The following FAM135B variants were observed in gnomAD, a reference collection of about 807,000 sequenced individuals.
FAM135B encodes the protein family with sequence similarity 135 member B.
A neutral mutation model predicts 127.7 loss-of-function variants in FAM135B; 43 were observed. The observed-to-expected ratio is 0.34, with a 90% CI of 0.26 to 0.43. The LOEUF (loss-of-function observed/expected upper bound fraction) is 0.43. Ranked by LOEUF, FAM135B falls within the 20% of genes least tolerant of loss-of-function variation. FAM135B has a pLI of 1.00. For missense variants in FAM135B, 1,558 were observed against 1,725.6 expected (o/e 0.90, Z 1.72); for synonymous variants, 670 against 665.1 (o/e 1.01, Z -0.11).
At chr8:138,327,723 G>A (rs1209994712) in intron 2 of FAM135B, among the ~76,000 whole-genome samples, 2 of 152,160 alleles carry the variant, frequency 1.3e-5, no homozygotes, top group Admixed American at 6.6e-5. Flanking sequence ...GGAGCTTACA[G>A]TCTAACAGAG....
chr8:138,209,966 A>G (rs1262292845), intron 7 of FAM135B, among the ~76,000 whole-genome samples: 5 of 152,226 alleles, frequency 3.3e-5, no homozygotes. Flanking sequence ...TGAGGGCAAG[A>G]CAATGAGAAA....
Position 138,229,424 on chromosome 8 carries a change from G to A in FAM135B, c.669+13518C>T, listed in dbSNP as rs569435694. Among the ~76,000 whole-genome samples the A allele has an allele frequency of 3.9e-5, 6 of 152,192 alleles. No individual in the cohort carries two copies. In the South Asian group the frequency reaches 1.0e-3, roughly 26 times the overall value. On this transcript the variant is annotated intron_variant, in intron 7 of 19. Coordinates refer to ENST00000395297, the MANE Select transcript of FAM135B (RefSeq NM_015912.4). Reference sequence around the variant, plus strand: ...CAGACTCCCAGTCTTCAATAAATATGGTCCTTTCATCTAGGGCGCCTTTCC... The same window carrying A: ...CAGACTCCCAGTCTTCAATAAATATAGTCCTTTCATCTAGGGCGCCTTTCC...
chr8:138,409,200 T>C (rs1033272537), intron 1 of FAM135B, among the ~76,000 whole-genome samples: 4 of 152,086 alleles, frequency 2.6e-5, no homozygotes, highest in Non-Finnish European at 5.9e-5. Context: ...GGGTTATTAA[T>C]TGGCCGATTT....
intron 12 of FAM135B, among the ~76,000 whole-genome samples, chr8:138,164,036 C>A (rs1483419811): frequency 1.3e-5 from 2 of 151,196 alleles, no homozygotes; most frequent in South Asian, 4.2e-4. Flanking sequence ...TTTTATTTCC[C>A]TTTTTTCCTT....
intron 1 of FAM135B, among the ~76,000 whole-genome samples, chr8:138,453,528 A>G (rs1004658073): frequency 3.9e-5 from 6 of 152,140 alleles, no homozygotes; most frequent in Non-Finnish European, 7.3e-5. Flanking sequence ...ACAAACAAAA[A>G]GAAGCTTTCT....
Position 138,321,761 on chromosome 8 carries a change from C to A in FAM135B, c.78-10841G>T, listed in dbSNP as rs376352016. On this transcript the variant is annotated intron_variant, in intron 2 of 19. Coordinates refer to ENST00000395297, the MANE Select transcript of FAM135B (RefSeq NM_015912.4). ...CTTTTAATAATAGGTATAATAAAAACAATGATGATGAAGATGGCTTTATGA... is the reference window on the plus strand; with the variant it reads ...CTTTTAATAATAGGTATAATAAAAAAAATGATGATGAAGATGGCTTTATGA... 3.8e-4 allele frequency among the ~76,000 whole-genome samples: 58 copies of A among 152,270 alleles called. 2 individuals are homozygous for A. The highest frequency in any genetic ancestry group is 1.3e-3 in the African/African-American group (54 of 41,552).
chr8:138,286,436 A>G (rs937797150), intron 3 of FAM135B, among the ~76,000 whole-genome samples: 8 of 152,236 alleles, frequency 5.3e-5, no homozygotes, highest in South Asian at 2.1e-4. Context: ...ACCATCTCCA[A>G]TGGAGGAGAT....
At chr8:138,343,896 G>A (rs544011367) in intron 2 of FAM135B, among the ~76,000 whole-genome samples, 2 of 152,318 alleles carry the variant, frequency 1.3e-5, no homozygotes, top group East Asian at 1.9e-4. Context: ...CAGGAGGGGG[G>A]TTTAGGAGCT....
At chr8:138,411,474 C>A (rs931693593) in intron 1 of FAM135B, among the ~76,000 whole-genome samples, 1 of 151,998 alleles carries the variant, frequency 6.6e-6, no homozygotes. Flanking sequence ...ACACCTTATA[C>A]GAAAATCAAT....
At chr8:138,290,940 C>A (rs1275591645) in intron 3 of FAM135B, among the ~76,000 whole-genome samples, 1 of 152,152 alleles carries the variant, frequency 6.6e-6, no homozygotes, top group Admixed American at 6.5e-5. Flanking sequence ...GAGATTGAGC[C>A]TCTCCTGCCT....
chr8:138,200,519 C>T (rs1020904624), intron 7 of FAM135B, among the ~76,000 whole-genome samples: 4 of 152,086 alleles, frequency 2.6e-5, no homozygotes, highest in Admixed American at 6.6e-5. Context: ...TCAGCAAGTA[C>T]CATGAAAGGC....
chr8:138,140,524 G>C (rs1251468933), intron 17 of FAM135B, among the ~76,000 whole-genome samples: 1 of 152,174 alleles, frequency 6.6e-6, no homozygotes, highest in East Asian at 1.9e-4. Flanking sequence ...TACAGGGTAA[G>C]TCTAACATAT....
At chr8:138,255,981 G>A (rs1822060445) in intron 5 of FAM135B, among the ~76,000 whole-genome samples, 1 of 152,188 alleles carries the variant, frequency 6.6e-6, no homozygotes, top group East Asian at 1.9e-4. Context: ...TCTACCCTAG[G>A]GAAGCCTGGA....
chr8:138,446,879 T>C (rs1441861251), intron 1 of FAM135B, among the ~76,000 whole-genome samples: 1 of 151,852 alleles, frequency 6.6e-6, no homozygotes, highest in African/African-American at 2.4e-5. Flanking sequence ...ACCTACAGAA[T>C]GGGAGAAAAT....
chr8:138,282,502 A>G (rs1378925944), intron 3 of FAM135B, among the ~76,000 whole-genome samples: 1 of 152,242 alleles, frequency 6.6e-6, no homozygotes, highest in African/African-American at 2.4e-5. Context: ...AAACAACCCA[A>G]TTAAAAAATG....
intron 2 of FAM135B, among the ~76,000 whole-genome samples, chr8:138,362,248 C>T (rs1255936579): frequency 6.6e-6 from 1 of 150,582 alleles, no homozygotes; most frequent in Non-Finnish European, 1.5e-5. Context: ...CATTAACCAG[C>T]CCCACCTCCC....
chr8:138,405,538 T>C (rs1481073957), intron 1 of FAM135B, among the ~76,000 whole-genome samples: 1 of 151,914 alleles, frequency 6.6e-6, no homozygotes, highest in Non-Finnish European at 1.5e-5. Flanking sequence ...ACAAAGGACA[T>C]GAACTCATCA....
At chr8:138,362,699 G>A (rs866299421) in intron 2 of FAM135B, among the ~76,000 whole-genome samples, 9 of 152,132 alleles carry the variant, frequency 5.9e-5, no homozygotes, top group African/African-American at 1.7e-4. Context: ...CACATGGTAC[G>A]ATTACTTATT....
At chr8:138,308,195 C>T (rs1368539188) in intron 3 of FAM135B, among the ~76,000 whole-genome samples, 2 of 152,150 alleles carry the variant, frequency 1.3e-5, no homozygotes, top group Admixed American at 1.3e-4. Flanking sequence ...TCTGACCACC[C>T]AACTGGAGAC....
Sources: allele counts gnomAD v4.1 joint callset (sites outside exome capture counted in the v4.1 genomes callset), GRCh38; gene constraint gnomAD v4.1.1; transcripts MANE v1.5; gene names NCBI Gene and HGNC (gene_info 2026-07-23, HGNC 2026-07-21).